Variants in ULK4 observed in about 807,000 individuals in gnomAD.
The protein encoded by ULK4 is unc-51 like kinase 4.
ULK4 carries 133 observed loss-of-function variants against 160.6 expected under a neutral mutation model. The observed-to-expected ratio is 0.83, with a 90% confidence interval of 0.72 to 0.96. The LOEUF (loss-of-function observed/expected upper bound fraction) is 0.96, where lower values mean the gene tolerates loss of function less well. Ranked by LOEUF, ULK4 falls within the 40% of genes least tolerant of loss-of-function variation. The probability of loss-of-function intolerance (pLI) is 0.00; values close to 1 mark genes in which losing one functional copy is unlikely to be tolerated. For synonymous variants in ULK4, 534 were observed against 539.8 expected, an observed-to-expected ratio of 0.99 and a Z score of 0.15; for missense variants, 1,580 against 1,499.5, an observed-to-expected ratio of 1.05 and a Z score of -0.89.
chr3:41,933,361 C>T (rs1208328220), intron 4 of ULK4, among the ~76,000 whole-genome samples: 1 of 152,158 alleles, frequency 6.6e-6, no homozygotes, highest in Non-Finnish European at 1.5e-5. Context: ...ACTTTACGAG[C>T]CATACAGTCT....
chr3:41,930,912 A>G (rs1014951157), intron 5 of ULK4, among the ~76,000 whole-genome samples: 1 of 152,250 alleles, frequency 6.6e-6, no homozygotes, highest in African/African-American at 2.4e-5. Flanking sequence ...TGGTTCAACC[A>G]TTGCGGAGGA....
chr3:41,553,791 TC>T (rs375138808), intron 32 of ULK4, among the ~76,000 whole-genome samples: 63,361 of 151,740 alleles, frequency 0.42, 14,662 homozygotes, highest in Non-Finnish European at 0.51. Context: ...AAATGGGGCA[TC>T]CATCCCATCA....
chr3:41,704,965 T>A (rs1240476628), intron 27 of ULK4, 92 bp downstream of exon 27: 5 of 944,530 alleles, frequency 5.3e-6, no homozygotes, highest in Non-Finnish European at 6.3e-6. Flanking sequence ...GAGGAACACA[T>A]ATGAGCCAAG....
At chr3:41,788,059 G>C (rs981899612) in intron 21 of ULK4, among the ~76,000 whole-genome samples, 1 of 152,062 alleles carries the variant, frequency 6.6e-6, no homozygotes, top group Non-Finnish European at 1.5e-5. Context: ...CATTTAATGA[G>C]TGAAAATTTA....
chr3:41,696,573 G>A (rs550823400), intron 27 of ULK4, among the ~76,000 whole-genome samples: 7 of 152,096 alleles, frequency 4.6e-5, no homozygotes, highest in African/African-American at 1.7e-4. Flanking sequence ...GGTCCACTGG[G>A]CCCAGCTGTC....
intron 17 of ULK4, among the ~76,000 whole-genome samples, chr3:41,858,817 T>A (rs567535651): frequency 1.3e-5 from 2 of 151,280 alleles, no homozygotes; most frequent in African/African-American, 2.4e-5. Flanking sequence ...AATTCTTTTT[T>A]CCCCCCCATA....
intron 31 of ULK4, among the ~76,000 whole-genome samples, chr3:41,588,678 G>A (rs975323003): frequency 6.6e-6 from 1 of 152,166 alleles, no homozygotes; most frequent in South Asian, 2.1e-4. Context: ...ATTTTATAAT[G>A]TGATTTATAC....
At chr3:41,929,575 ATATTTAGAAAACCCCATC>A (rs1699513368) in intron 5 of ULK4, among the ~76,000 whole-genome samples, 1 of 152,190 alleles carries the variant, frequency 6.6e-6, no homozygotes, top group African/African-American at 2.4e-5. Context: ...ACATGATTGT[ATATTTAGAAAACCCCATC>A]GTCTCAGCCC....
At chr3:41,841,768 G>A (rs1398939049) in intron 17 of ULK4, among the ~76,000 whole-genome samples, 1 of 152,192 alleles carries the variant, frequency 6.6e-6, no homozygotes. Context: ...AGTTGACATA[G>A]GAGATACCAT....
At chr3:41,889,473 G>C (rs967705176) in intron 16 of ULK4, among the ~76,000 whole-genome samples, 3 of 152,134 alleles carry the variant, frequency 2.0e-5, no homozygotes. Context: ...TCAAGGAAGA[G>C]CAATAAAAGA....
rs867089573 is a variant in ULK4, at chr3:41,904,449, A to G, written c.1182+3396T>C. 5.3e-4 allele frequency among the ~76,000 whole-genome samples: 81 copies of G among 151,984 alleles called. 1 individual carries two copies. The highest frequency in any genetic ancestry group is 1.6e-3 in the African/African-American group (65 of 41,458). On this transcript the variant is annotated intron_variant, in intron 12 of 36. Coordinates refer to ENST00000301831, the MANE Select transcript of ULK4 (RefSeq NM_017886.4). ...TGTCTCAAAAATAAATAAATAAATAAATAGATAGATAGATAGATATGTAAA... is the reference window on the plus strand; with the variant it reads ...TGTCTCAAAAATAAATAAATAAATAGATAGATAGATAGATAGATATGTAAA...
chr3:41,444,663 T>C (rs1007956430), intron 34 of ULK4, among the ~76,000 whole-genome samples: 1 of 152,148 alleles, frequency 6.6e-6, no homozygotes. Flanking sequence ...AGTATTCTTA[T>C]CCTACATTTA....
At position 41,246,981 on chromosome 3, in the gene ULK4, T is replaced by C. The variant is rs202237555; in HGVS notation, c.3776A>G (p.Asp1259Gly). The C allele has an allele frequency of 5.0e-4, 801 of 1,613,734 alleles. No individual in the cohort carries two copies. The highest frequency in any genetic ancestry group is 6.2e-4 in the Non-Finnish European group (734 of 1,179,904). Reference sequence around the variant, plus strand: ...CAGGGCCAAGGGAGCCACCGCACTGTCGGCAAATGAACTGTAAGAAAAACC... The same window carrying C: ...CAGGGCCAAGGGAGCCACCGCACTGCCGGCAAATGAACTGTAAGAAAAACC... ...RLAPGSGSFA[D>G]SAVAPLALEI... The change falls in exon 37 of 37, where the codon GAC (aspartate) becomes GGC (glycine). Residue 1259 changes from aspartate to glycine, a missense_variant. Asp to Gly is a moderately conservative substitution (Grantham distance 94). Coordinates refer to ENST00000301831, the MANE Select transcript of ULK4 (RefSeq NM_017886.4).
chr3:41,806,537 C>T lies in ULK4; in HGVS notation c.1849-6244G>A, dbSNP rs531067497. On this transcript the variant is annotated intron_variant, in intron 19 of 36. Coordinates refer to ENST00000301831, the MANE Select transcript of ULK4 (RefSeq NM_017886.4). ...CTTGCCTTCTGCTAGCTTTTGAATG[C>T]GTTTGCTCTTGCTTTTCTAGTTCTT... Among the ~76,000 whole-genome samples, 116 of 152,018 alleles carry T rather than the reference C, an allele frequency of 7.6e-4. No individual in the cohort carries two copies. In the East Asian group the frequency reaches 0.013, roughly 17 times the overall value.
At chr3:41,323,926 A>G (rs970915894) in intron 35 of ULK4, among the ~76,000 whole-genome samples, 31 of 152,342 alleles carry the variant, frequency 2.0e-4, no homozygotes, top group African/African-American at 7.5e-4. Flanking sequence ...CTGGGTTCAT[A>G]AACTGAGAAG....
intron 32 of ULK4, among the ~76,000 whole-genome samples, chr3:41,506,767 A>AAAAAAAAAAAAAAATATATATAAATATAT: frequency 7.0e-5 from 4 of 56,794 alleles, no homozygotes; most frequent in East Asian, 8.2e-4. Flanking sequence ...TGTGATTTAA[A>AAAAAAAAAAAAAAATATATATAAATATAT]ATATATATAT....
intron 35 of ULK4, among the ~76,000 whole-genome samples, chr3:41,395,021 T>C (rs2082027308): frequency 1.3e-5 from 2 of 152,124 alleles, no homozygotes; most frequent in South Asian, 2.1e-4. Context: ...ATTTCTGTTA[T>C]TGTTGCTAAG....
chr3:41,587,906 AG>A (rs1485891750), intron 31 of ULK4, among the ~76,000 whole-genome samples: 1 of 149,962 alleles, frequency 6.7e-6, no homozygotes, highest in Non-Finnish European at 1.5e-5. Flanking sequence ...ACAATTGAAA[AG>A]TGATCTTCTG....
intron 34 of ULK4, among the ~76,000 whole-genome samples, chr3:41,449,448 G>T (rs145159903): frequency 4.9e-4 from 74 of 152,202 alleles, no homozygotes; most frequent in Middle Eastern, 3.4e-3. Flanking sequence ...CAGAAAGAGG[G>T]GTATCATCTT....
Sources: gnomAD v4.1 joint callset for allele counts (sites outside exome capture counted in the v4.1 genomes callset) on GRCh38, gnomAD v4.1.1 for gene constraint, MANE v1.5 for transcripts, NCBI Gene and HGNC (gene_info 2026-07-23, HGNC 2026-07-21) for gene names.